GARRE1: variants seen among roughly 807,000 people sequenced by gnomAD.
GARRE1 encodes granule associated Rac and RHOG effector protein 1.
GARRE1 carries 49 observed loss-of-function variants against 103.2 expected under a neutral mutation model. The observed-to-expected ratio is 0.47, with a 90% CI of 0.38 to 0.60. GARRE1 has a LOEUF of 0.60. Among genes scored for constraint, GARRE1 ranks in the 20% least tolerant of loss-of-function variants. GARRE1 has a pLI of 0.00. For synonymous variants in GARRE1, 505 were observed against 532.8 expected (o/e 0.95, Z 0.72); for missense variants, 1,199 against 1,370.5 (o/e 0.87, Z 1.98).
At chr19:34,351,682 TGTG>T in intron 13 of GARRE1, 90 bp downstream of exon 13, 2 of 879,070 alleles carry the variant, frequency 2.3e-6, no homozygotes, top group Middle Eastern at 2.2e-4. Flanking sequence ...GGATCTTCTT[TGTG>T]GTGATTAATT....
intron 1 of GARRE1, among the ~76,000 whole-genome samples, chr19:34,289,742 A>G (rs1287378713): frequency 6.6e-6 from 1 of 151,976 alleles, no homozygotes; most frequent in African/African-American, 2.4e-5. Flanking sequence ...AATAAAAAAA[A>G]GTAAATATTA....
intron 2 of GARRE1, among the ~76,000 whole-genome samples, chr19:34,317,599 G>A (rs575611661): frequency 2.4e-4 from 37 of 152,318 alleles, no homozygotes; most frequent in South Asian, 6.2e-4. Flanking sequence ...TCACATGCAA[G>A]CCGATGCCAG....
rs1275825255 is a variant in GARRE1 at position 34,353,062 on chromosome 19, C to A, written c.*107C>A. ...AGCTGACACCAGCCCCTCAGAGGAC[C>A]AGTGCGCCCCATCCCAGGGAGGGTT... is the stretch of plus-strand genomic sequence containing the variant. On this transcript the variant is annotated 3_prime_UTR_variant, in exon 14 of 14. Coordinates refer to ENST00000299505, the MANE Select transcript of GARRE1 (RefSeq NM_014686.5). The A allele has an allele frequency of 1.9e-6, 2 of 1,043,030 alleles. No homozygotes were observed. Among genetic ancestry groups the A allele is most frequent in the Admixed American group, 2.8e-5 (1 of 35,730 alleles). 64.6% of individuals were successfully genotyped at this position (1,043,030 alleles called of 1,614,324 possible).
intron 2 of GARRE1, among the ~76,000 whole-genome samples, chr19:34,317,135 C>T (rs952163343): frequency 6.6e-6 from 1 of 152,222 alleles, no homozygotes; most frequent in Non-Finnish European, 1.5e-5. Context: ...CCTTTGCCCT[C>T]GGTCATTTCC....
At chr19:34,292,100 G>A (rs2145232325) in intron 1 of GARRE1, among the ~76,000 whole-genome samples, 1 of 152,280 alleles carries the variant, frequency 6.6e-6, no homozygotes, top group South Asian at 2.1e-4. Context: ...GGCCTCAAGT[G>A]ATCTGCCCCC....
At chr19:34,275,594 G>A (rs1189270190) in intron 1 of GARRE1, among the ~76,000 whole-genome samples, 1 of 152,116 alleles carries the variant, frequency 6.6e-6, no homozygotes, top group Non-Finnish European at 1.5e-5. Context: ...CCATTGTACA[G>A]TTATACTACA....
intron 1 of GARRE1, among the ~76,000 whole-genome samples, chr19:34,278,044 T>G (rs1031077439): frequency 3.3e-5 from 5 of 151,830 alleles, no homozygotes; most frequent in African/African-American, 7.3e-5. Flanking sequence ...AACACAAAAT[T>G]TACAGTTTTA....
chr19:34,278,430 G>T (rs2073830629), intron 1 of GARRE1, among the ~76,000 whole-genome samples: 1 of 116,796 alleles, frequency 8.6e-6, no homozygotes, highest in Non-Finnish European at 1.6e-5. Context: ...GGGTGACAGA[G>T]CAAGACTCCA....
intron 2 of GARRE1, among the ~76,000 whole-genome samples, chr19:34,304,344 C>T (rs1416061699): frequency 1.3e-5 from 2 of 149,240 alleles, no homozygotes; most frequent in African/African-American, 2.5e-5. Context: ...GGATCACAGG[C>T]GTGGGCCACC....
chr19:34,287,189 C>T (rs1166378675), intron 1 of GARRE1, among the ~76,000 whole-genome samples: 3 of 150,834 alleles, frequency 2.0e-5, no homozygotes, highest in African/African-American at 4.9e-5. Context: ...AAGATTGATT[C>T]GTTAGATTTG....
At chr19:34,343,396 C>T (rs947918248) in intron 10 of GARRE1, among the ~76,000 whole-genome samples, 4 of 151,820 alleles carry the variant, frequency 2.6e-5, no homozygotes, top group Non-Finnish European at 4.4e-5. Flanking sequence ...ATGATCATGC[C>T]ACTACACCCC....
intron 1 of GARRE1, among the ~76,000 whole-genome samples, chr19:34,256,099 A>T (rs974055978): frequency 1.3e-5 from 2 of 151,960 alleles, no homozygotes; most frequent in Admixed American, 6.6e-5. Flanking sequence ...TCGGCGTTCC[A>T]AAGTGCTGGG....
chr19:34,299,047 C>G (rs1206564508), intron 1 of GARRE1, among the ~76,000 whole-genome samples: 1 of 152,166 alleles, frequency 6.6e-6, no homozygotes, highest in Non-Finnish European at 1.5e-5. Context: ...GCCTGCCAGC[C>G]ACTCCCTTCT....
chr19:34,286,250 C>T (rs1321546114), intron 1 of GARRE1, among the ~76,000 whole-genome samples: 3 of 151,960 alleles, frequency 2.0e-5, no homozygotes, highest in Admixed American at 6.6e-5. Context: ...GACGGAGTCT[C>T]GCTCTGTTGC....
At chr19:34,337,050 G>GTTTTTTT (rs113410326) in intron 8 of GARRE1, among the ~76,000 whole-genome samples, 1 of 115,978 alleles carries the variant, frequency 8.6e-6, no homozygotes, top group South Asian at 2.9e-4. Context: ...TTTTAGTTCT[G>GTTTTTTT]TTTTTTTTTT....
chr19:34,310,852 CCTAA>C (rs1380413332), intron 2 of GARRE1, among the ~76,000 whole-genome samples: 1 of 152,194 alleles, frequency 6.6e-6, no homozygotes, highest in African/African-American at 2.4e-5. Flanking sequence ...GAACCTCCTA[CCTAA>C]CTGAGAGCGC....
chr19:34,335,935 C>G (rs180697775), intron 8 of GARRE1, among the ~76,000 whole-genome samples: 1 of 152,086 alleles, frequency 6.6e-6, no homozygotes, highest in African/African-American at 2.4e-5. Context: ...CCTAAAACCT[C>G]CCTTCTATAA....
chr19:34,285,780 G>A (rs765705880), intron 1 of GARRE1, among the ~76,000 whole-genome samples: 1 of 152,018 alleles, frequency 6.6e-6, no homozygotes, highest in Non-Finnish European at 1.5e-5. Context: ...ATAGGCGTGA[G>A]CCACTGTGAC....
intron 2 of GARRE1, among the ~76,000 whole-genome samples, chr19:34,303,845 A>C (rs2073993455): frequency 6.6e-6 from 1 of 151,646 alleles, no homozygotes; most frequent in South Asian, 2.1e-4. Flanking sequence ...CAAACTCCTG[A>C]CCTCAAGTGA....
Sources: allele counts gnomAD v4.1 joint callset (sites outside exome capture counted in the v4.1 genomes callset), GRCh38; gene constraint gnomAD v4.1.1; transcripts MANE v1.5; gene names NCBI Gene and HGNC (gene_info 2026-07-23, HGNC 2026-07-21).